APBB2: variants seen among roughly 807,000 people sequenced by gnomAD.
The protein encoded by APBB2 is amyloid beta precursor protein binding family B member 2.
A neutral mutation model predicts 82.5 loss-of-function variants in APBB2; 38 were observed. The ratio of observed to expected loss-of-function variants is 0.46; its 90% CI spans 0.36 to 0.60. The LOEUF is 0.60. Among genes scored for constraint, APBB2 ranks in the 20% least tolerant of loss-of-function variants. The probability of loss-of-function intolerance (pLI) is 0.00; values close to 1 mark genes in which losing one functional copy is unlikely to be tolerated. For synonymous variants in APBB2, 341 were observed against 368.2 expected, an observed-to-expected ratio of 0.93 and a Z score of 0.85; for missense variants, 772 against 972.3, an observed-to-expected ratio of 0.79 and a Z score of 2.74.
chr4:41,068,571 G>C (rs1014065683), intron 3 of APBB2, among the ~76,000 whole-genome samples: 5 of 152,104 alleles, frequency 3.3e-5, no homozygotes, highest in Admixed American at 1.3e-4. Flanking sequence ...GTCTAAGTCT[G>C]TTTTAAGGTA....
At chr4:41,173,627 C>T (rs572514403) in intron 1 of APBB2, among the ~76,000 whole-genome samples, 12 of 152,246 alleles carry the variant, frequency 7.9e-5, no homozygotes, top group African/African-American at 2.2e-4. Context: ...ATACTTCTAC[C>T]ATAACTTTTC....
intron 6 of APBB2, among the ~76,000 whole-genome samples, chr4:40,949,636 C>T (rs1460842581): frequency 2.0e-5 from 3 of 151,752 alleles, no homozygotes; most frequent in East Asian, 1.9e-4. Context: ...CAGGAGTATT[C>T]GACAACACCA....
At chr4:40,854,806 A>G (rs1760633381) in intron 12 of APBB2, among the ~76,000 whole-genome samples, 1 of 151,126 alleles carries the variant, frequency 6.6e-6, no homozygotes, top group Non-Finnish European at 1.5e-5. Flanking sequence ...AAAAAAAAAA[A>G]AAAGAAGAAA....
At chr4:40,831,456 A>T (rs1283424998) in intron 12 of APBB2, among the ~76,000 whole-genome samples, 1 of 152,210 alleles carries the variant, frequency 6.6e-6, no homozygotes, top group Admixed American at 6.5e-5. Context: ...GAACTCTTGG[A>T]ATCTCTAACA....
rs1745471628 is a variant in APBB2, at chr4:40,815,883, A to C, written c.*209T>G. The C allele has an allele frequency of 8.6e-6, 5 of 578,336 alleles. No homozygotes were observed. The African/African-American group carries it at 9.2e-5, about 11-fold the overall frequency. 35.8% of individuals were successfully genotyped at this position (578,336 alleles called of 1,614,324 possible). On this transcript the variant is annotated 3_prime_UTR_variant, in exon 18 of 18. Transcript: ENST00000508593. Reference sequence around the variant, plus strand: ...CCTTCCACTGCGCATGATGTAACTTACAGCAAAAAAAATTATTCATGCTTC... The same window carrying C: ...CCTTCCACTGCGCATGATGTAACTTCCAGCAAAAAAAATTATTCATGCTTC...
At chr4:40,884,500 G>A (rs1226359190) in intron 12 of APBB2, among the ~76,000 whole-genome samples, 3 of 152,168 alleles carry the variant, frequency 2.0e-5, no homozygotes, top group African/African-American at 7.2e-5. Context: ...ATCCTAACCA[G>A]GCACAGGGGC....
rs1388854756 is a variant in APBB2, at chr4:40,915,582, A to G, written c.1254+18874T>C. ...ACTGTTGTTTTCTAAGAAAGGTTTT[A>G]CTGTACCAGTCACCAAGAAATGAAA... On this transcript the variant is annotated intron_variant, in intron 10 of 17. Coordinates refer to ENST00000508593, the MANE Select transcript of APBB2 (RefSeq NM_004307.2). 5.9e-5 allele frequency among the ~76,000 whole-genome samples: 9 copies of G among 152,248 alleles called. No individual in the cohort carries two copies. The East Asian group carries it at 1.7e-3, about 29-fold the overall frequency.
Position 41,013,770 on chromosome 4 carries a change from G to A in APBB2, c.648C>T (p.Ser216=). The part of the protein sequence containing the change: ...LLLQKPNRPQ[S]SPEDGQVATV... ...TGGCTACTTGGCCGTCTTCAGGGCT[G>A]GACTGGGGTCTGTTTGGTTTCTGCA... The change falls in exon 6 of 18, where the codon TCC becomes TCT. Residue 216 remains serine (S), a synonymous_variant. Coordinates refer to ENST00000508593, the MANE Select transcript of APBB2 (RefSeq NM_004307.2). 2 of 1,614,196 alleles carry A rather than the reference G, an allele frequency of 1.2e-6. No homozygotes were observed. The highest frequency in any genetic ancestry group is 1.7e-6 in the Non-Finnish European group (2 of 1,180,024).
intron 4 of APBB2, among the ~76,000 whole-genome samples, chr4:41,049,539 C>G (rs191149664): frequency 6.8e-6 from 1 of 147,646 alleles, no homozygotes; most frequent in Non-Finnish European, 1.5e-5. Context: ...CCAGCCGCCC[C>G]GTCCGGGAGG....
rs927402000 is a variant in APBB2, at chr4:40,912,655, C to T, written c.1255-19244G>A. 3.3e-5 allele frequency among the ~76,000 whole-genome samples: 5 copies of T among 151,942 alleles called. No individual in the cohort carries two copies. The East Asian group carries it at 9.6e-4, about 29-fold the overall frequency. On this transcript the variant is annotated intron_variant, in intron 10 of 17. Coordinates refer to ENST00000508593, the MANE Select transcript of APBB2 (RefSeq NM_004307.2). ...GCTCTGAGAGTGACTGTGGAAATTC[C>T]CCTGGAGGAACAGTGAACACGTTAC...
intron 6 of APBB2, among the ~76,000 whole-genome samples, chr4:40,981,675 T>C (rs1305621470): frequency 6.6e-6 from 1 of 152,210 alleles, no homozygotes; most frequent in African/African-American, 2.4e-5. Context: ...CATGATGATG[T>C]ACCTCATGTG....
chr4:40,823,608 T>A (rs146729842), intron 16 of APBB2, 36 bp downstream of exon 16: 1 of 1,443,790 alleles, frequency 6.9e-7, no homozygotes, highest in Non-Finnish European at 9.7e-7. Flanking sequence ...ACTCACTGTA[T>A]AAGACACACC....
intron 6 of APBB2, among the ~76,000 whole-genome samples, chr4:40,969,039 C>T (rs1049027553): frequency 6.6e-6 from 1 of 152,238 alleles, no homozygotes; most frequent in Admixed American, 6.5e-5. Context: ...ACGTGTCTTT[C>T]GCCTTCCACC....
intron 10 of APBB2, among the ~76,000 whole-genome samples, chr4:40,917,847 C>T (rs1021600851): frequency 6.6e-6 from 1 of 152,206 alleles, no homozygotes; most frequent in African/African-American, 2.4e-5. Context: ...ACCAAGGGTG[C>T]TGTGTGCTTT....
At chr4:41,151,493 T>G in intron 1 of APBB2, among the ~76,000 whole-genome samples, 1 of 152,330 alleles carries the variant, frequency 6.6e-6, no homozygotes, top group Non-Finnish European at 1.5e-5. Flanking sequence ...TTTTTGCATC[T>G]CAGCCCTTCC....
At chr4:40,933,211 T>A (rs1208983581) in intron 10 of APBB2, among the ~76,000 whole-genome samples, 1 of 152,100 alleles carries the variant, frequency 6.6e-6, no homozygotes, top group African/African-American at 2.4e-5. Flanking sequence ...CCCTCAGGCA[T>A]GGGGATACTT....
intron 6 of APBB2, among the ~76,000 whole-genome samples, chr4:40,976,439 G>A (rs934974841): frequency 6.6e-6 from 1 of 152,172 alleles, no homozygotes; most frequent in African/African-American, 2.4e-5. Context: ...ACACCAGGGG[G>A]CAGACATTTT....
rs564735731 is a variant in APBB2, at chr4:41,050,558, T to A, written c.-51+15018A>T. ...TTTCCTATGTAGCCATTCCTACAAA[T>A]TCCACACGTCACCTGCAAGTTGCCA... On this transcript the variant is annotated intron_variant, in intron 4 of 17. Coordinates refer to ENST00000508593, the MANE Select transcript of APBB2 (RefSeq NM_004307.2). Among the ~76,000 whole-genome samples the A allele has an allele frequency of 1.1e-3, 161 of 152,322 alleles. 1 individual carries two copies. The highest frequency in any genetic ancestry group is 3.7e-3 in the African/African-American group (155 of 41,564).
intron 12 of APBB2, among the ~76,000 whole-genome samples, chr4:40,869,770 G>C (rs1206260148): frequency 6.6e-6 from 1 of 151,920 alleles, no homozygotes; most frequent in African/African-American, 2.4e-5. Context: ...TAATTTCTTT[G>C]CCAATTATAT....
Sources: gnomAD v4.1 joint callset for allele counts (sites outside exome capture counted in the v4.1 genomes callset) on GRCh38, gnomAD v4.1.1 for gene constraint, MANE v1.5 for transcripts, NCBI Gene and HGNC (gene_info 2026-07-23, HGNC 2026-07-21) for gene names.